MAPKAP1: variants seen among roughly 807,000 people sequenced by gnomAD.
MAPKAP1 encodes MAPK associated protein 1.
Under a neutral mutation model 65.7 loss-of-function variants are expected in MAPKAP1, and 20 were observed. The observed-to-expected ratio is 0.30, with a 90% CI of 0.21 to 0.44. The LOEUF (loss-of-function observed/expected upper bound fraction) is 0.44, where lower values mean the gene tolerates loss of function less well. Ranked by LOEUF, MAPKAP1 falls within the 20% of genes least tolerant of loss-of-function variation. MAPKAP1 has a pLI of 1.00. For missense variants in MAPKAP1, 423 were observed against 648.0 expected, an observed-to-expected ratio of 0.65 and a Z score of 3.77; for synonymous variants, 222 against 244.3, an observed-to-expected ratio of 0.91 and a Z score of 0.85.
At chr9:125,631,558 T>C (rs1440708972) in intron 4 of MAPKAP1, among the ~76,000 whole-genome samples, 2 of 152,204 alleles carry the variant, frequency 1.3e-5, no homozygotes, top group African/African-American at 2.4e-5. Context: ...CAGAACTTAC[T>C]ATACCTCACC....
At chr9:125,506,715 C>G (rs1322623028) in intron 7 of MAPKAP1, among the ~76,000 whole-genome samples, 1 of 152,214 alleles carries the variant, frequency 6.6e-6, no homozygotes, top group African/African-American at 2.4e-5. Flanking sequence ...AGGTCACCTA[C>G]CCTCTCTGAA....
chr9:125,522,959 T>A (rs998468083), intron 7 of MAPKAP1, among the ~76,000 whole-genome samples: 8 of 152,178 alleles, frequency 5.3e-5, no homozygotes, highest in Non-Finnish European at 1.0e-4. Context: ...CCTTTTTGAT[T>A]ATCCCCTAAG....
At chr9:125,527,836 T>G (rs141847086) in intron 7 of MAPKAP1, among the ~76,000 whole-genome samples, 3 of 152,320 alleles carry the variant, frequency 2.0e-5, no homozygotes, top group African/African-American at 7.2e-5. Flanking sequence ...AACACTAATT[T>G]CAACGGATAT....
In MAPKAP1 at chr9:125,623,543, G is replaced by A. The variant is rs1406208623; in HGVS notation, c.498+34108C>T. On this transcript the variant is annotated intron_variant, in intron 4 of 11. Transcript: ENST00000265960. ...CCCGGCCGCCCCGTCTGAGAAGTGA[G>A]GAGACCCTCTGCCTGGCAACCACCC... Among the ~76,000 whole-genome samples, 24 of 11,032 alleles carry A rather than the reference G, an allele frequency of 2.2e-3. 1 individual carries two copies. Among genetic ancestry groups the A allele is most frequent in the African/African-American group, 2.4e-3 (20 of 8,432 alleles). The allele number at this position is 11,032 out of a possible 152,430, so 7.2% of individuals were successfully genotyped here.
rs200598260 is a variant in MAPKAP1, at chr9:125,528,084, A to C, written c.958+14975T>G. On this transcript the variant is annotated intron_variant, in intron 7 of 11. Transcript: ENST00000265960. Reference sequence around the variant, plus strand: ...CCCTGGGCCAGCTGCGGTGCTGGTAAACCATAAGGAACCTACCTCTCCAAA... The same window carrying C: ...CCCTGGGCCAGCTGCGGTGCTGGTACACCATAAGGAACCTACCTCTCCAAA... Among the ~76,000 whole-genome samples, 10 of 152,314 alleles carry C rather than the reference A, an allele frequency of 6.6e-5. No individual in the cohort carries two copies. The East Asian group carries it at 1.2e-3, about 18-fold the overall frequency.
chr9:125,482,834 T>G (rs1005074644), intron 9 of MAPKAP1, among the ~76,000 whole-genome samples: 2 of 152,212 alleles, frequency 1.3e-5, no homozygotes, highest in Non-Finnish European at 2.9e-5. Context: ...CTGTCTCATC[T>G]GATCAGCCTG....
At chr9:125,576,011 CA>C (rs754190360) in intron 5 of MAPKAP1, among the ~76,000 whole-genome samples, 3 of 152,110 alleles carry the variant, frequency 2.0e-5, no homozygotes, top group Non-Finnish European at 4.4e-5. Context: ...TACTTAACAA[CA>C]GTGAGAAATA....
At position 125,566,954 on chromosome 9, in the gene MAPKAP1, C is replaced by T. The variant is rs912837168; in HGVS notation, c.672-7145G>A. ...AGGCAGAAAACCAAACTCATGCCGC[C>T]CCTATCCCTCCTAGTCACACAGCAA... On this transcript the variant is annotated intron_variant, in intron 5 of 11. Coordinates refer to ENST00000265960, the MANE Select transcript of MAPKAP1 (RefSeq NM_001006617.3). Among the ~76,000 whole-genome samples, 6 of 152,168 alleles carry T rather than the reference C, an allele frequency of 3.9e-5. No individual in the cohort carries two copies. In the South Asian group the frequency reaches 1.2e-3, roughly 32 times the overall value.
chr9:125,463,444 C>A (rs1004609464), intron 10 of MAPKAP1, among the ~76,000 whole-genome samples: 1 of 152,220 alleles, frequency 6.6e-6, no homozygotes, highest in African/African-American at 2.4e-5. Context: ...AAATACACTA[C>A]TTTACAGATC....
chr9:125,608,053 A>G (rs1589336342), intron 4 of MAPKAP1, among the ~76,000 whole-genome samples: 1 of 152,352 alleles, frequency 6.6e-6, no homozygotes, highest in East Asian at 1.9e-4. Flanking sequence ...CAGCGCCTGT[A>G]GTGACTGGGA....
At chr9:125,496,697 A>G (rs1407231578) in intron 8 of MAPKAP1, among the ~76,000 whole-genome samples, 1 of 152,166 alleles carries the variant, frequency 6.6e-6, no homozygotes, top group Non-Finnish European at 1.5e-5. Context: ...GATAAAGCTG[A>G]CTTTCATCCT....
intron 8 of MAPKAP1, among the ~76,000 whole-genome samples, chr9:125,488,389 G>C (rs749897429): frequency 8.5e-5 from 13 of 152,192 alleles, no homozygotes; most frequent in African/African-American, 1.2e-4. Flanking sequence ...TTTTGAGACA[G>C]AGTTTTGCTC....
At chr9:125,495,959 G>A (rs1185382008) in intron 8 of MAPKAP1, among the ~76,000 whole-genome samples, 1 of 152,218 alleles carries the variant, frequency 6.6e-6, no homozygotes. Context: ...GTCTCAGGCA[G>A]ACACACTCAG....
At chr9:125,566,618 A>G (rs1324772655) in intron 5 of MAPKAP1, among the ~76,000 whole-genome samples, 1 of 152,130 alleles carries the variant, frequency 6.6e-6, no homozygotes, top group Non-Finnish European at 1.5e-5. Flanking sequence ...TTCTTCATTC[A>G]CTTGGATGTC....
intron 7 of MAPKAP1, among the ~76,000 whole-genome samples, chr9:125,541,909 G>A (rs1009460985): frequency 1.3e-5 from 2 of 152,196 alleles, no homozygotes; most frequent in Admixed American, 6.5e-5. Context: ...GTTATCAAAC[G>A]GCGCAGTCAG....
At chr9:125,475,797 T>C (rs762367941) in intron 9 of MAPKAP1, among the ~76,000 whole-genome samples, 66 of 152,224 alleles carry the variant, frequency 4.3e-4, no homozygotes, top group Non-Finnish European at 9.1e-4. Flanking sequence ...GAGCCTATGA[T>C]GTCAGCTAGG....
intron 10 of MAPKAP1, among the ~76,000 whole-genome samples, chr9:125,453,412 G>A (rs1237733113): frequency 2.0e-5 from 3 of 152,254 alleles, no homozygotes; most frequent in Non-Finnish European, 4.4e-5. Context: ...ACAGAAAACA[G>A]CTGGATTATC....
chr9:125,601,594 AG>A (rs1272653790), intron 4 of MAPKAP1, among the ~76,000 whole-genome samples: 1 of 152,242 alleles, frequency 6.6e-6, no homozygotes, highest in Non-Finnish European at 1.5e-5. Context: ...ATCCAAAGTT[AG>A]AATTTAATTA....
chr9:125,569,926 A>T (rs1831175985), intron 5 of MAPKAP1, among the ~76,000 whole-genome samples: 1 of 152,254 alleles, frequency 6.6e-6, no homozygotes, highest in Admixed American at 6.5e-5. Context: ...TAACTTTAGT[A>T]ATCTTTGGGA....
Sources: gnomAD v4.1 joint callset for allele counts (sites outside exome capture counted in the v4.1 genomes callset) on GRCh38, gnomAD v4.1.1 for gene constraint, MANE v1.5 for transcripts, NCBI Gene and HGNC (gene_info 2026-07-23, HGNC 2026-07-21) for gene names.